TOX: variants seen among roughly 807,000 people sequenced by gnomAD.
TOX encodes the protein thymocyte selection-associated high mobility group box protein TOX.
TOX carries 11 observed loss-of-function variants against 53.7 expected under a neutral mutation model. The ratio of observed to expected loss-of-function variants is 0.20; its 90% CI spans 0.13 to 0.34. The LOEUF is 0.34. TOX is among the 10% of genes least tolerant of loss of function. TOX has a pLI of 1.00. For missense variants in TOX, 570 were observed against 664.6 expected, an observed-to-expected ratio of 0.86 and a Z score of 1.56; for synonymous variants, 225 against 245.3, an observed-to-expected ratio of 0.92 and a Z score of 0.77.
intron 3 of TOX, among the ~76,000 whole-genome samples, chr8:58,866,904 A>T (rs1189482155): frequency 6.6e-6 from 1 of 152,194 alleles, no homozygotes; most frequent in Non-Finnish European, 1.5e-5. Context: ...TGTGTCTAAG[A>T]CATATTTAAT....
chr8:58,849,088 A>G (rs958658845), intron 4 of TOX, among the ~76,000 whole-genome samples: 2 of 152,160 alleles, frequency 1.3e-5, no homozygotes, highest in African/African-American at 4.8e-5. Flanking sequence ...TGTAATGAAG[A>G]ATGCTTTAAC....
chr8:59,102,030 A>G (rs1804815831), intron 1 of TOX, among the ~76,000 whole-genome samples: 1 of 152,190 alleles, frequency 6.6e-6, no homozygotes, highest in South Asian at 2.1e-4. Context: ...CATCCATATC[A>G]GTTTGTTTTC....
chr8:58,861,114 A>G (rs556775941), intron 3 of TOX, among the ~76,000 whole-genome samples: 113 of 152,316 alleles, frequency 7.4e-4, no homozygotes, highest in African/African-American at 2.5e-3. Context: ...TGAGCCCTTG[A>G]AAGGGCTTTC....
intron 1 of TOX, among the ~76,000 whole-genome samples, chr8:58,994,809 C>T (rs1813528357): frequency 2.0e-5 from 3 of 152,182 alleles, no homozygotes; most frequent in African/African-American, 4.8e-5. Flanking sequence ...CATGTCGGAA[C>T]AGCTAACCTG....
intron 1 of TOX, among the ~76,000 whole-genome samples, chr8:59,066,712 TG>T (rs1804100578): frequency 1.3e-5 from 2 of 152,338 alleles, no homozygotes; most frequent in African/African-American, 4.8e-5. Context: ...AACTGTAGTA[TG>T]AAGGCCATTT....
chr8:58,987,549 G>T (rs1477195953), intron 1 of TOX, among the ~76,000 whole-genome samples: 1 of 152,288 alleles, frequency 6.6e-6, no homozygotes, highest in South Asian at 2.1e-4. Context: ...AAAATAAATG[G>T]AAGTACTAAT....
chr8:58,874,788 A>C lies in TOX; in HGVS notation c.412-22983T>G, dbSNP rs571320115. ...TATGTCTTTATCTTATCCACCATGA[A>C]GGCTATATCTAAACCAGGGTGTCCA... On this transcript the variant is annotated intron_variant, in intron 3 of 8. Coordinates refer to ENST00000361421, the MANE Select transcript of TOX (RefSeq NM_014729.3). 1.6e-4 allele frequency among the ~76,000 whole-genome samples: 24 copies of C among 152,208 alleles called. 1 individual carries two copies. In the Middle Eastern group the frequency reaches 0.01, roughly 65 times the overall value.
intron 1 of TOX, among the ~76,000 whole-genome samples, chr8:59,097,820 TC>T (rs1270816446): frequency 4.6e-5 from 7 of 152,212 alleles, no homozygotes; most frequent in Admixed American, 1.3e-4. Flanking sequence ...TTTTCATGCA[TC>T]CTGTAAGCAT....
intron 1 of TOX, among the ~76,000 whole-genome samples, chr8:59,055,441 G>A (rs1452482428): frequency 6.6e-6 from 1 of 152,132 alleles, no homozygotes; most frequent in Non-Finnish European, 1.5e-5. Context: ...GCCTACTACA[G>A]AGTTCCAGGA....
chr8:59,028,021 C>T lies in TOX; in HGVS notation c.103-68013G>A, dbSNP rs1206144346. Among the ~76,000 whole-genome samples the T allele has an allele frequency of 2.6e-5, 4 of 152,176 alleles. No homozygotes were observed. The East Asian group carries it at 5.8e-4, about 22-fold the overall frequency. On this transcript the variant is annotated intron_variant, in intron 1 of 8. Coordinates refer to ENST00000361421, the MANE Select transcript of TOX (RefSeq NM_014729.3). Reference sequence around the variant, plus strand: ...AAGAAGAAACATCTTTGAAATCTTTCGAAGCATGAATTCATTAATAGATGA... The same window carrying T: ...AAGAAGAAACATCTTTGAAATCTTTTGAAGCATGAATTCATTAATAGATGA...
At chr8:58,831,209 C>T (rs951906918) in intron 5 of TOX, among the ~76,000 whole-genome samples, 1 of 152,080 alleles carries the variant, frequency 6.6e-6, no homozygotes, top group African/African-American at 2.4e-5. Flanking sequence ...GAATCCGAAC[C>T]GAGGTCCTTG....
intron 1 of TOX, among the ~76,000 whole-genome samples, chr8:59,052,465 GCTGA>G (rs1335713441): frequency 7.0e-4 from 107 of 152,236 alleles, no homozygotes; most frequent in Non-Finnish European, 3.4e-4. Context: ...TACCTTCTCT[GCTGA>G]CTTTTATAAC....
intron 1 of TOX, among the ~76,000 whole-genome samples, chr8:59,042,939 TG>T (rs11349714): frequency 0.33 from 50,091 of 152,032 alleles, 10,510 homozygotes; most frequent in Non-Finnish European, 0.47. Context: ...GCATTTTTCG[TG>T]ATGAGAACAT....
intron 1 of TOX, among the ~76,000 whole-genome samples, chr8:59,112,253 C>G (rs1049221130): frequency 1.3e-5 from 2 of 152,126 alleles, no homozygotes; most frequent in South Asian, 4.1e-4. Context: ...ATGTTATAAC[C>G]AGGAAAAGCT....
At chr8:59,061,476 T>G (rs957895063) in intron 1 of TOX, among the ~76,000 whole-genome samples, 7 of 152,234 alleles carry the variant, frequency 4.6e-5, no homozygotes, top group Non-Finnish European at 7.3e-5. Context: ...TAGTATTTTT[T>G]TCTCTGTGAT....
At chr8:59,085,903 C>G (rs1228169999) in intron 1 of TOX, among the ~76,000 whole-genome samples, 8 of 151,036 alleles carry the variant, frequency 5.3e-5, no homozygotes, top group African/African-American at 1.9e-4. Flanking sequence ...TCTCCCATTA[C>G]AAATTTCAGG....
chr8:59,092,264 T>TATATATA (rs1174716509), intron 1 of TOX, among the ~76,000 whole-genome samples: 1 of 51,888 alleles, frequency 1.9e-5, no homozygotes, highest in African/African-American at 1.9e-4. Flanking sequence ...ATATATATAT[T>TATATATA]TTATATATAT....
At chr8:58,967,714 G>A (rs952486022) in intron 1 of TOX, among the ~76,000 whole-genome samples, 5 of 152,158 alleles carry the variant, frequency 3.3e-5, no homozygotes, top group South Asian at 2.1e-4. Flanking sequence ...AACCAGCGAT[G>A]AGTTGTTGCA....
intron 1 of TOX, among the ~76,000 whole-genome samples, chr8:58,987,091 G>A (rs932820609): frequency 3.9e-5 from 6 of 152,196 alleles, no homozygotes; most frequent in African/African-American, 7.2e-5. Flanking sequence ...GAAGAGATTC[G>A]TTTTCTTTAG....
Sources: allele counts gnomAD v4.1 joint callset (sites outside exome capture counted in the v4.1 genomes callset), GRCh38; gene constraint gnomAD v4.1.1; transcripts MANE v1.5; gene names NCBI Gene and HGNC (gene_info 2026-07-23, HGNC 2026-07-21).